Variants in EXOC6 observed in about 807,000 individuals in gnomAD.
EXOC6 encodes SEC15-like 1.
A neutral mutation model predicts 112.5 loss-of-function variants in EXOC6; 60 were observed. The ratio of observed to expected loss-of-function variants is 0.53; its 90% CI spans 0.43 to 0.66. The LOEUF is 0.66. Among genes scored for constraint, EXOC6 ranks in the 30% least tolerant of loss-of-function variants. The pLI, the probability that EXOC6 is intolerant of heterozygous loss-of-function variation, is 0.00. For missense variants in EXOC6, 855 were observed against 957.1 expected, an observed-to-expected ratio of 0.89 and a Z score of 1.41; for synonymous variants, 295 against 308.0, an observed-to-expected ratio of 0.96 and a Z score of 0.44.
At chr10:92,834,724 G>C (rs1399253768) in exon 1 of EXOC6, 11 of 1,595,448 alleles carry the variant, frequency 6.9e-6, no homozygotes, top group Non-Finnish European at 8.5e-6. Context: ...TGGAAAATTA[G>C]GGGCCTGTCG....
chr10:92,904,798 G>A (rs1330010260), intron 5 of EXOC6, among the ~76,000 whole-genome samples: 2 of 151,764 alleles, frequency 1.3e-5, no homozygotes, highest in Non-Finnish European at 2.9e-5. Flanking sequence ...AAATTAAATT[G>A]GAAAAGTCCA....
chr10:92,932,277 G>A (rs1462070763), intron 9 of EXOC6, among the ~76,000 whole-genome samples: 1 of 152,084 alleles, frequency 6.6e-6, no homozygotes, highest in East Asian at 1.9e-4. Flanking sequence ...GATCAGTGGT[G>A]GCCAAGGGCT....
At chr10:92,827,201 G>A (rs911115185) in intron 1 of EXOC6, among the ~76,000 whole-genome samples, 7 of 151,690 alleles carry the variant, frequency 4.6e-5, no homozygotes, top group East Asian at 3.9e-4. Context: ...TTGGCTGTGC[G>A]TGGTGGCTGG....
chr10:93,013,086 G>A (rs1049726288), intron 19 of EXOC6, among the ~76,000 whole-genome samples: 3 of 151,940 alleles, frequency 2.0e-5, no homozygotes, highest in Non-Finnish European at 4.4e-5. Flanking sequence ...ATGATTACAG[G>A]CATTCTTATC....
At chr10:93,045,944 C>T (rs1034109347) in intron 20 of EXOC6, among the ~76,000 whole-genome samples, 2 of 152,186 alleles carry the variant, frequency 1.3e-5, no homozygotes, top group Non-Finnish European at 2.9e-5. Flanking sequence ...AATAAATAGC[C>T]TAGTCTGGCT....
chr10:92,831,325 G>A (rs1846471866), upstream of EXOC6: 1 of 1,289,030 alleles, frequency 7.8e-7, no homozygotes, highest in Non-Finnish European at 1.0e-6. Flanking sequence ...GGATGAATGT[G>A]CTGTGTAGGA....
chr10:93,029,124 A>G (rs1845156687), intron 20 of EXOC6, among the ~76,000 whole-genome samples: 1 of 152,226 alleles, frequency 6.6e-6, no homozygotes. Flanking sequence ...AGTCTCCACC[A>G]GCAAAAACAT....
At position 92,928,410 on chromosome 10, in the gene EXOC6, C is replaced by G. The variant is rs1851840257; in HGVS notation, c.960C>G (p.Pro320=). 6.2e-7 allele frequency: 1 copy of G among 1,601,856 alleles called. No individual in the cohort carries two copies. The highest frequency in any genetic ancestry group is 8.5e-7 in the Non-Finnish European group (1 of 1,171,326). ...RKKQARLVLQ[P]QSNMHETVDG... ...AACAAGCAAGACTGGTATTGCAACC[C>G]CAGTCGAATATGGTAAGTATGCGAT... is the stretch of plus-strand genomic sequence containing the variant. The change falls in exon 9 of 22, where the codon CCC becomes CCG. Residue 320 remains proline (P), a synonymous_variant. Transcript: ENST00000260762.
intron 1 of EXOC6, among the ~76,000 whole-genome samples, chr10:92,858,436 C>G (rs1228110768): frequency 6.6e-6 from 1 of 151,298 alleles, no homozygotes; most frequent in African/African-American, 2.4e-5. Context: ...GTTCTTTTTT[C>G]TCTCTTACTG....
At chr10:92,978,133 G>C (rs1842701189) in intron 18 of EXOC6, among the ~76,000 whole-genome samples, 1 of 152,172 alleles carries the variant, frequency 6.6e-6, no homozygotes, top group Admixed American at 6.5e-5. Flanking sequence ...AAGTGGGCTG[G>C]GTACGTTGGC....
At chr10:92,842,228 G>A (rs1846880482) in intron 1 of EXOC6, among the ~76,000 whole-genome samples, 1 of 151,894 alleles carries the variant, frequency 6.6e-6, no homozygotes, top group Admixed American at 6.6e-5. Context: ...GTGTGGTGGT[G>A]CACGCCTGTA....
At position 92,944,283 on chromosome 10, in the gene EXOC6, C is replaced by A. The variant is rs144841662; in HGVS notation, c.1310+3459C>A. ...CAGAGTCTTTGCTCTATCACCCAGG[C>A]TGGAGTGCAGCAGCGTGATCTTGGC... is the stretch of plus-strand genomic sequence containing the variant. On this transcript the variant is annotated intron_variant, in intron 13 of 21. Transcript: ENST00000260762. 3.2e-3 allele frequency among the ~76,000 whole-genome samples: 481 copies of A among 152,066 alleles called. 5 individuals carry two copies. The highest frequency in any genetic ancestry group is 0.011 in the African/African-American group (460 of 41,454).
At chr10:92,874,776 T>C (rs1848613434) in intron 1 of EXOC6, among the ~76,000 whole-genome samples, 1 of 152,248 alleles carries the variant, frequency 6.6e-6, no homozygotes, top group Admixed American at 6.5e-5. Flanking sequence ...ACCATCTTTC[T>C]TTCTATTTCT....
chr10:92,829,494 C>G (rs1309576635), intron 1 of EXOC6, among the ~76,000 whole-genome samples: 2 of 152,206 alleles, frequency 1.3e-5, no homozygotes, highest in Non-Finnish European at 2.9e-5. Context: ...CGGACAACAA[C>G]GCCAGACAAC....
Position 92,928,429 on chromosome 10 carries a change from A to G in EXOC6, c.972+7A>G. The G allele has an allele frequency of 1.3e-6, 2 of 1,576,246 alleles. No homozygotes were observed. The highest frequency in any genetic ancestry group is 1.7e-6 in the Non-Finnish European group (2 of 1,148,640). ...GCAACCCCAGTCGAATATGGTAAGTATGCGATATTTTGAATTGGTTATGTT... is the reference window on the plus strand; with the variant it reads ...GCAACCCCAGTCGAATATGGTAAGTGTGCGATATTTTGAATTGGTTATGTT... On this transcript the variant is annotated splice_region_variant and intron_variant, in intron 9 of 21. Coordinates refer to ENST00000260762, the MANE Select transcript of EXOC6 (RefSeq NM_019053.6).
intron 1 of EXOC6, among the ~76,000 whole-genome samples, chr10:92,863,512 C>A (rs1337287651): frequency 1.3e-5 from 2 of 152,128 alleles, no homozygotes; most frequent in Non-Finnish European, 2.9e-5. Context: ...TGCAGTAGCT[C>A]ATGCTTATAA....
At chr10:92,963,665 T>A (rs1854144558) in intron 17 of EXOC6, among the ~76,000 whole-genome samples, 1 of 151,948 alleles carries the variant, frequency 6.6e-6, no homozygotes, top group East Asian at 1.9e-4. Flanking sequence ...TTTTTTAAAA[T>A]TTATTTTTTG....
intron 8 of EXOC6, among the ~76,000 whole-genome samples, chr10:92,920,425 A>C (rs576845484): frequency 6.6e-6 from 1 of 152,292 alleles, no homozygotes; most frequent in South Asian, 2.1e-4. Flanking sequence ...TCACATACGA[A>C]AAAACTTACC....
At chr10:92,919,572 T>C (rs1377921978) in intron 7 of EXOC6, among the ~76,000 whole-genome samples, 1 of 152,306 alleles carries the variant, frequency 6.6e-6, no homozygotes, top group African/African-American at 2.4e-5. Context: ...AGTGCAATAA[T>C]GACCAATCAT....
Sources: allele counts gnomAD v4.1 joint callset (sites outside exome capture counted in the v4.1 genomes callset), GRCh38; gene constraint gnomAD v4.1.1; transcripts MANE v1.5; gene names NCBI Gene and HGNC (gene_info 2026-07-23, HGNC 2026-07-21).